The following PDE4B variants were observed in gnomAD, a reference collection of about 807,000 sequenced individuals.
PDE4B encodes phosphodiesterase 4B.
In PDE4B, 20 loss-of-function variants were observed where a neutral mutation model predicts 82.2. The ratio of observed to expected loss-of-function variants is 0.24; its 90% CI spans 0.17 to 0.35. The LOEUF is 0.35. PDE4B is among the 10% of genes least tolerant of loss of function. The probability of loss-of-function intolerance (pLI) is 1.00; values close to 1 mark genes in which losing one functional copy is unlikely to be tolerated. For synonymous variants in PDE4B, 320 were observed against 318.9 expected, an observed-to-expected ratio of 1.00 and a Z score of -0.04; for missense variants, 655 against 907.2, an observed-to-expected ratio of 0.72 and a Z score of 3.57.
At chr1:65,904,490 G>C (rs2100431812) in intron 1 of PDE4B, among the ~76,000 whole-genome samples, 1 of 152,166 alleles carries the variant, frequency 6.6e-6, no homozygotes, top group South Asian at 2.1e-4. Context: ...TGAAAGAGTA[G>C]CTGTTCATAG....
chr1:66,269,998 C>A (rs971425269), intron 7 of PDE4B, among the ~76,000 whole-genome samples: 1 of 152,144 alleles, frequency 6.6e-6, no homozygotes, highest in East Asian at 1.9e-4. Context: ...AGGAACATTA[C>A]CACTGGTAAC....
At chr1:65,966,517 T>G (rs1400629365) in intron 3 of PDE4B, among the ~76,000 whole-genome samples, 1 of 152,144 alleles carries the variant, frequency 6.6e-6, no homozygotes, top group African/African-American at 2.4e-5. Flanking sequence ...AAGCTACCAG[T>G]GACTTTCCTC....
intron 8 of PDE4B, chr1:66,354,267 G>T (rs1225570959): frequency 2.6e-5 from 8 of 306,956 alleles, no homozygotes; most frequent in South Asian, 2.6e-4. Context: ...TTTGTGCAGA[G>T]GCTGCATCTG....
intron 3 of PDE4B, among the ~76,000 whole-genome samples, chr1:66,153,372 C>G: frequency 6.6e-6 from 1 of 152,198 alleles, no homozygotes; most frequent in East Asian, 1.9e-4. Context: ...GAACCCCCAA[C>G]AGATGTCCTT....
At chr1:66,321,304 A>G (rs1212107434) in intron 7 of PDE4B, among the ~76,000 whole-genome samples, 1 of 152,178 alleles carries the variant, frequency 6.6e-6, no homozygotes, top group Non-Finnish European at 1.5e-5. Context: ...GTCATCAACC[A>G]AATTCCACCA....
Position 65,995,084 on chromosome 1 carries a change from G to A in PDE4B, c.281+76249G>A, listed in dbSNP as rs565675826. Reference sequence around the variant, plus strand: ...AATGTTACAATTGCCAAAAAAAATAGGACTTTGATATAATGCTCTATAATA... The same window carrying A: ...AATGTTACAATTGCCAAAAAAAATAAGACTTTGATATAATGCTCTATAATA... On this transcript the variant is annotated intron_variant, in intron 3 of 16. Coordinates refer to ENST00000341517, the MANE Select transcript of PDE4B (RefSeq NM_002600.4). 3.0e-4 allele frequency among the ~76,000 whole-genome samples: 45 copies of A among 152,118 alleles called. No individual in the cohort carries two copies. In the East Asian group the frequency reaches 7.5e-3, roughly 25 times the overall value.
intron 3 of PDE4B, among the ~76,000 whole-genome samples, chr1:66,161,187 C>T (rs182309168): frequency 7.9e-5 from 12 of 152,040 alleles, no homozygotes; most frequent in South Asian, 6.2e-4. Context: ...ACATCAGCAG[C>T]GATATAGATG....
chr1:66,201,646 G>A (rs1648964396), intron 3 of PDE4B, among the ~76,000 whole-genome samples: 1 of 151,250 alleles, frequency 6.6e-6, no homozygotes, highest in South Asian at 2.1e-4. Context: ...GGTGTTTGTA[G>A]TATTCTCTGA....
At chr1:66,245,205 A>G (rs1201111968) in intron 3 of PDE4B, among the ~76,000 whole-genome samples, 1 of 152,230 alleles carries the variant, frequency 6.6e-6, no homozygotes, top group Non-Finnish European at 1.5e-5. Flanking sequence ...TGGATCACCA[A>G]GAAGTCCAGC....
intron 3 of PDE4B, among the ~76,000 whole-genome samples, chr1:66,132,656 G>A (rs578167580): frequency 2.6e-5 from 4 of 152,252 alleles, no homozygotes; most frequent in East Asian, 1.9e-4. Context: ...CTGAGACTGC[G>A]TGACTGGATT....
At chr1:65,954,725 A>C (rs1222700692) in intron 3 of PDE4B, among the ~76,000 whole-genome samples, 1 of 152,090 alleles carries the variant, frequency 6.6e-6, no homozygotes, top group Non-Finnish European at 1.5e-5. Flanking sequence ...CAGTTCTCTC[A>C]CTACATTTGA....
chr1:65,864,265 C>T (rs989518569), intron 1 of PDE4B, among the ~76,000 whole-genome samples: 1 of 151,708 alleles, frequency 6.6e-6, no homozygotes, highest in African/African-American at 2.4e-5. Context: ...TTCCTGTAAC[C>T]TTTTATCAAA....
At chr1:66,072,294 C>A (rs1296233285) in intron 3 of PDE4B, among the ~76,000 whole-genome samples, 1 of 152,114 alleles carries the variant, frequency 6.6e-6, no homozygotes, top group African/African-American at 2.4e-5. Context: ...AGATACACAT[C>A]CACATCATTA....
At chr1:66,057,497 T>A (rs1255713940) in intron 3 of PDE4B, among the ~76,000 whole-genome samples, 3 of 152,152 alleles carry the variant, frequency 2.0e-5, no homozygotes, top group South Asian at 2.1e-4. Flanking sequence ...ATTCGTTCAT[T>A]TTCATGCTGC....
chr1:66,220,554 A>G (rs1338058375), intron 3 of PDE4B, among the ~76,000 whole-genome samples: 1 of 152,186 alleles, frequency 6.6e-6, no homozygotes, highest in Non-Finnish European at 1.5e-5. Flanking sequence ...AGCCTTTTGC[A>G]TTATAAATTA....
intron 3 of PDE4B, among the ~76,000 whole-genome samples, chr1:66,168,192 T>G (rs1570386213): frequency 1.3e-5 from 2 of 152,258 alleles, no homozygotes; most frequent in East Asian, 1.9e-4. Flanking sequence ...AAATATTTAT[T>G]GAGTTCCTAC....
At chr1:65,870,290 G>T (rs114169453) in intron 1 of PDE4B, among the ~76,000 whole-genome samples, 1 of 151,954 alleles carries the variant, frequency 6.6e-6, no homozygotes, top group African/African-American at 2.4e-5. Flanking sequence ...TGTTATTTTT[G>T]TCTTTAAATC....
intron 3 of PDE4B, among the ~76,000 whole-genome samples, chr1:65,922,485 C>T (rs1222374779): frequency 6.6e-6 from 1 of 152,108 alleles, no homozygotes; most frequent in East Asian, 1.9e-4. Context: ...ATCTTTAATA[C>T]TGATAAAGTT....
chr1:66,247,805 G>A (rs1653440189), intron 4 of PDE4B, 151 bp downstream of exon 4: 1 of 561,360 alleles, frequency 1.8e-6, no homozygotes, highest in Non-Finnish European at 3.0e-6. Flanking sequence ...ACCATTTTAA[G>A]GACATTAATG....
Sources: allele counts gnomAD v4.1 joint callset (sites outside exome capture counted in the v4.1 genomes callset), GRCh38; gene constraint gnomAD v4.1.1; transcripts MANE v1.5; gene names NCBI Gene and HGNC (gene_info 2026-07-23, HGNC 2026-07-21).